Variants in EPHA7 observed in about 807,000 individuals in gnomAD.
The protein encoded by EPHA7 is ephrin type-A receptor 7.
In EPHA7, 25 loss-of-function variants were observed where a neutral mutation model predicts 112.6. The ratio of observed to expected loss-of-function variants is 0.22; its 90% confidence interval spans 0.16 to 0.31. The LOEUF (loss-of-function observed/expected upper bound fraction) is 0.31. EPHA7 is among the 10% of genes least tolerant of loss of function. EPHA7 has a pLI of 1.00. For missense variants in EPHA7, 962 were observed against 1,212.6 expected, an observed-to-expected ratio of 0.79 and a Z score of 3.07; for synonymous variants, 437 against 406.5, an observed-to-expected ratio of 1.07 and a Z score of -0.90.
At chr6:93,316,943 C>T (rs1029427877) in intron 5 of EPHA7, among the ~76,000 whole-genome samples, 3 of 152,136 alleles carry the variant, frequency 2.0e-5, no homozygotes, top group Admixed American at 1.3e-4. Context: ...GAAAACTAAA[C>T]TATAGTCCTA....
chr6:93,245,813 G>T (rs566089479), intron 15 of EPHA7, among the ~76,000 whole-genome samples: 2 of 152,256 alleles, frequency 1.3e-5, no homozygotes, highest in South Asian at 4.1e-4. Context: ...AGGCCACGAG[G>T]GTGCTGTAGA....
intron 2 of EPHA7, 22 bp from the exon 3 acceptor site, chr6:93,411,192 C>T: frequency 3.8e-6 from 6 of 1,581,486 alleles, no homozygotes; most frequent in Non-Finnish European, 5.2e-6. Flanking sequence ...GAAAAAAGGT[C>T]ATCAGTCATT....
intron 3 of EPHA7, among the ~76,000 whole-genome samples, chr6:93,409,500 G>C (rs1156995943): frequency 1.3e-5 from 2 of 151,964 alleles, no homozygotes; most frequent in African/African-American, 2.4e-5. Flanking sequence ...AGAAAAATTA[G>C]TTATAATAGT....
intron 9 of EPHA7, among the ~76,000 whole-genome samples, chr6:93,262,705 C>A (rs941379171): frequency 6.6e-6 from 1 of 151,242 alleles, no homozygotes. Flanking sequence ...TACATAAAAG[C>A]ACTTCTGTTT....
At position 93,357,005 on chromosome 6, in the gene EPHA7, T is replaced by C. The variant is rs1475740786; in HGVS notation, c.1036A>G (p.Thr346Ala). ...GGAGGACTCCATTCCAAACTTACTGTGGTTTGGTTGATGTTGAAAATGAGG... is the reference window on the plus strand; with the variant it reads ...GGAGGACTCCATTCCAAACTTACTGCGGTTTGGTTGATGTTGAAAATGAGG... ...QNLIFNINQT[T>A]VSLEWSPPAD... Residue 346 changes from threonine to alanine, a missense_variant, in exon 5 of 17, where the codon ACA (threonine) becomes GCA (alanine). Transcript: ENST00000369303. The C allele has an allele frequency of 6.2e-7, 1 of 1,613,860 alleles. No homozygotes were observed. The highest frequency in any genetic ancestry group is 8.5e-7 in the Non-Finnish European group (1 of 1,179,954).
chr6:93,255,868 C>G lies in EPHA7; in HGVS notation c.2342G>C (p.Arg781Pro). ...VCKVSDFGLS[R>P]VIEDDPEAVY... ...AGCTTCTGGATCATCCTCTATAACT[C>G]GGGACAGGCCAAAATCTGACACTTT... is the stretch of plus-strand genomic sequence containing the variant. Residue 781 changes from arginine (R) to proline (P), a missense_variant, in exon 13 of 17, where the codon CGA becomes CCA. Transcript: ENST00000369303. The G allele has an allele frequency of 1.2e-6, 2 of 1,614,028 alleles. No homozygotes were observed. The highest frequency in any genetic ancestry group is 1.7e-6 in the Non-Finnish European group (2 of 1,179,992).
chr6:93,314,345 C>A (rs80248286), intron 5 of EPHA7, among the ~76,000 whole-genome samples: 1 of 152,244 alleles, frequency 6.6e-6, no homozygotes, highest in African/African-American at 2.4e-5. Context: ...TAGTAATCAT[C>A]CTTATTACTA....
At chr6:93,285,889 G>GGCTA (rs1444077503) in intron 5 of EPHA7, among the ~76,000 whole-genome samples, 1 of 152,064 alleles carries the variant, frequency 6.6e-6, no homozygotes, top group Non-Finnish European at 1.5e-5. Context: ...GGCCATATCT[G>GGCTA]GCTAGCCACT....
chr6:93,307,123 T>C (rs748255399), intron 5 of EPHA7, among the ~76,000 whole-genome samples: 1 of 151,956 alleles, frequency 6.6e-6, no homozygotes, highest in African/African-American at 2.4e-5. Context: ...CCATCTAAAC[T>C]GCATCTCTTT....
chr6:93,283,765 T>C (rs1183012682), intron 5 of EPHA7, among the ~76,000 whole-genome samples: 1 of 152,110 alleles, frequency 6.6e-6, no homozygotes, highest in Non-Finnish European at 1.5e-5. Flanking sequence ...GGTCCGCGGC[T>C]TCATTCTTGA....
chr6:93,378,588 G>T (rs1056972698), intron 3 of EPHA7, among the ~76,000 whole-genome samples: 1 of 151,996 alleles, frequency 6.6e-6, no homozygotes, highest in Non-Finnish European at 1.5e-5. Flanking sequence ...ACATCAAGCA[G>T]ATTCCATTTT....
At chr6:93,291,249 A>G (rs1185779415) in intron 5 of EPHA7, among the ~76,000 whole-genome samples, 1 of 152,204 alleles carries the variant, frequency 6.6e-6, no homozygotes, top group East Asian at 1.9e-4. Flanking sequence ...AATACTCTCT[A>G]CAGTTTGTAC....
intron 16 of EPHA7, among the ~76,000 whole-genome samples, chr6:93,245,036 T>G (rs567526891): frequency 1.5e-4 from 23 of 152,330 alleles, no homozygotes; most frequent in African/African-American, 5.1e-4. Flanking sequence ...TTAAATTTTC[T>G]GAACTTTAGC....
At chr6:93,293,873 G>A (rs1320322334) in intron 5 of EPHA7, among the ~76,000 whole-genome samples, 2 of 152,118 alleles carry the variant, frequency 1.3e-5, no homozygotes, top group Non-Finnish European at 2.9e-5. Context: ...ATAGTAAAAT[G>A]TTTGCAACGT....
At position 93,263,928 on chromosome 6, in the gene EPHA7, A is replaced by C; in HGVS notation, c.1743-13T>G. ...ATAACCACAGTGCCTTGAAGAAAGC[A>C]AATTTGTGACAATCTCAGTCATTTT... On this transcript the variant is annotated splice_polypyrimidine_tract_variant and intron_variant, in intron 8 of 16. Coordinates refer to ENST00000369303, the MANE Select transcript of EPHA7 (RefSeq NM_004440.4). 1 of 1,605,572 alleles carries C rather than the reference A, an allele frequency of 6.2e-7. No individual in the cohort carries two copies. Among genetic ancestry groups the C allele is most frequent in the East Asian group, 2.2e-5 (1 of 44,630 alleles).
intron 12 of EPHA7, 141 bp from the exon 13 acceptor site, chr6:93,256,178 G>A: frequency 1.1e-4 from 69 of 634,312 alleles, no homozygotes; most frequent in South Asian, 4.3e-4. Flanking sequence ...GGATACCTGT[G>A]GAAAAAAATA....
chr6:93,240,935 G>A lies in EPHA7; in HGVS notation c.*2491C>T. The A allele has an allele frequency of 4.7e-6, 1 of 212,130 alleles. No homozygotes were observed. Among genetic ancestry groups the A allele is most frequent in the Non-Finnish European group, 9.6e-6 (1 of 104,568 alleles). 13.1% of individuals were successfully genotyped at this position (212,130 alleles called of 1,614,324 possible). A position where few individuals can be genotyped will look rare whatever the true frequency, so the allele number is the denominator to read the frequency against. On this transcript the variant is annotated 3_prime_UTR_variant, in exon 17 of 17. Coordinates refer to ENST00000369303, the MANE Select transcript of EPHA7 (RefSeq NM_004440.4). ...AGAAACTTACAAACGAGATAGTGATGTAATCATACACTTCCTATTGTGCTG... is the reference window on the plus strand; with the variant it reads ...AGAAACTTACAAACGAGATAGTGATATAATCATACACTTCCTATTGTGCTG...
chr6:93,315,063 C>A (rs537288289), intron 5 of EPHA7, among the ~76,000 whole-genome samples: 1 of 147,076 alleles, frequency 6.8e-6, no homozygotes, highest in Non-Finnish European at 1.5e-5. Flanking sequence ...GGGGTTTCAC[C>A]GTGTTAGCCA....
intron 3 of EPHA7, among the ~76,000 whole-genome samples, chr6:93,381,544 A>G (rs961502403): frequency 6.6e-6 from 1 of 152,162 alleles, no homozygotes; most frequent in Admixed American, 6.5e-5. Context: ...TAATTAACAC[A>G]TGTATCTATT....
Sources: allele counts gnomAD v4.1 joint callset (sites outside exome capture counted in the v4.1 genomes callset), GRCh38; gene constraint gnomAD v4.1.1; transcripts MANE v1.5; gene names NCBI Gene and HGNC (gene_info 2026-07-23, HGNC 2026-07-21).